The following PPIL6 variants were observed in gnomAD, a reference collection of about 807,000 sequenced individuals.
PPIL6 encodes the protein peptidylprolyl isomerase like 6, also known as probable inactive peptidyl-prolyl cis-trans isomerase-like 6.
Under a neutral mutation model 36.8 loss-of-function variants are expected in PPIL6, and 39 were observed. The observed-to-expected ratio is 1.06, with a 90% CI of 0.82 to 1.38. PPIL6 has a LOEUF of 1.38. PPIL6 is among the 40% of genes most tolerant of loss of function. PPIL6 has a pLI of 0.00. For synonymous variants in PPIL6, 123 were observed against 134.1 expected (o/e 0.92, Z 0.57); for missense variants, 368 against 379.1 (o/e 0.97, Z 0.24).
At chr6:109,398,258 G>C (rs769035878) in intron 7 of PPIL6, among the ~76,000 whole-genome samples, 3 of 147,072 alleles carry the variant, frequency 2.0e-5, no homozygotes, top group Non-Finnish European at 4.4e-5. Flanking sequence ...GAAAACTTAA[G>C]ACAAGTCATT....
rs1773105551 is a variant in PPIL6, at chr6:109,413,489, G to A, written c.688+5698C>T. ...TGCTGGCAAGGATGTGGAGAAAAAG[G>A]GACCCTTGTACACTGTTGGTGGGAA... is the stretch of plus-strand genomic sequence containing the variant. On this transcript the variant is annotated intron_variant, in intron 6 of 7. Coordinates refer to ENST00000521072, the MANE Select transcript of PPIL6 (RefSeq NM_173672.5). The surrounding 1 kb of genome is among the most constrained non-coding windows in gnomAD (Gnocchi z 4.6). Among the ~76,000 whole-genome samples the A allele has an allele frequency of 6.6e-6, 1 of 152,178 alleles. No homozygotes were observed. The highest frequency in any genetic ancestry group is 6.5e-5 in the Admixed American group (1 of 15,272).
rs1328330486 is a variant in PPIL6, at chr6:109,413,771, C to A, written c.688+5416G>T. ...TGTGGTACATATACACAATGGAATA[C>A]TATTCAGCCATAAAAAAGAATGAGA... On this transcript the variant is annotated intron_variant, in intron 6 of 7. Coordinates refer to ENST00000521072, the MANE Select transcript of PPIL6 (RefSeq NM_173672.5). The surrounding 1 kb of genome is among the most constrained non-coding windows in gnomAD (Gnocchi z 4.6). 6.6e-6 allele frequency among the ~76,000 whole-genome samples: 1 copy of A among 152,160 alleles called. No homozygotes were observed. Among genetic ancestry groups the A allele is most frequent in the Non-Finnish European group, 1.5e-5 (1 of 68,028 alleles).
In PPIL6 at chr6:109,417,383, AT is replaced by A. The variant is rs35207179; in HGVS notation, c.688+1803del. Among the ~76,000 whole-genome samples the A allele has an allele frequency of 4.8e-3, 694 of 144,318 alleles. 3 individuals are homozygous for A. Among genetic ancestry groups the A allele is most frequent in the Middle Eastern group, 7.4e-3 (2 of 272 alleles). The allele number at this position is 144,318 out of a possible 152,430, so 94.7% of individuals were successfully genotyped here. On this transcript the variant is annotated intron_variant, in intron 6 of 7. Transcript: ENST00000521072. ...GGGAATACAGTGAGACCCTGTCTCT[AT>A]TTTTTTTTTTTTTTTAAAGAAACTG...
intron 2 of PPIL6, among the ~76,000 whole-genome samples, chr6:109,435,867 G>A (rs1774418017): frequency 6.6e-6 from 1 of 152,190 alleles, no homozygotes; most frequent in African/African-American, 2.4e-5. Flanking sequence ...TGAAGCTGCA[G>A]TGAGCCAAGA....
At chr6:109,406,042 GTGTTT>G (rs1772786837) in intron 6 of PPIL6, among the ~76,000 whole-genome samples, 1 of 150,446 alleles carries the variant, frequency 6.6e-6, no homozygotes, top group Non-Finnish European at 1.5e-5. Context: ...TTTTTGGTTT[GTGTTT>G]TGTTTTTTGA....
chr6:109,436,342 G>A (rs958795028), intron 1 of PPIL6, 143 bp from the exon 2 acceptor site: 1 of 593,768 alleles, frequency 1.7e-6, no homozygotes, highest in Non-Finnish European at 3.0e-6. Flanking sequence ...TTCCTTGCTC[G>A]CTGTCAGAGG....
intron 5 of PPIL6, among the ~76,000 whole-genome samples, chr6:109,419,628 CAGG>C (rs1773440099): frequency 6.6e-6 from 1 of 151,798 alleles, no homozygotes; most frequent in African/African-American, 2.4e-5. Flanking sequence ...GAGGCTGATG[CAGG>C]AGAATTGCTT....
At chr6:109,436,002 T>C (rs1398648006) in intron 2 of PPIL6, 102 bp downstream of exon 2, 2 of 752,360 alleles carry the variant, frequency 2.7e-6, no homozygotes, top group Non-Finnish European at 4.8e-6. Context: ...AAAATCTAGT[T>C]ACACTAAAAT....
chr6:109,440,489 G>A lies in PPIL6; in HGVS notation c.102C>T (p.Cys34=). ...LQVKVVGLFS[C]PNFQIAKSAA... ...CGCTCTTCGCAATCTGAAAGTTGGG[G>A]CAGCTGAAGAGCCCCACCACCTTCA... Residue 34 remains cysteine, a synonymous_variant, in exon 1 of 8, where the codon TGC becomes TGT. Transcript: ENST00000521072. 2 of 1,539,296 alleles carry A rather than the reference G, an allele frequency of 1.3e-6. No homozygotes were observed. The highest frequency in any genetic ancestry group is 1.8e-6 in the Non-Finnish European group (2 of 1,142,294).
intron 6 of PPIL6, among the ~76,000 whole-genome samples, chr6:109,403,618 C>G (rs1772656718): frequency 6.6e-6 from 1 of 152,022 alleles, no homozygotes; most frequent in Non-Finnish European, 1.5e-5. Flanking sequence ...AAACCAATAG[C>G]TGAAACTTGC....
intron 6 of PPIL6, among the ~76,000 whole-genome samples, chr6:109,415,681 G>A (rs756610992): frequency 6.6e-5 from 10 of 152,120 alleles, no homozygotes; most frequent in African/African-American, 9.7e-5. Flanking sequence ...AACGACAATA[G>A]CATCTTGAAT....
intron 7 of PPIL6, among the ~76,000 whole-genome samples, chr6:109,398,016 T>C (rs545142410): frequency 2.6e-4 from 39 of 152,088 alleles, no homozygotes; most frequent in Non-Finnish European, 4.0e-4. Context: ...CTCAGCCTCC[T>C]GAGTAGCTGG....
rs1373982406 is a variant in PPIL6 at position 109,440,341 on chromosome 6, C to T, written c.135+115G>A. The T allele has an allele frequency of 9.9e-6, 13 of 1,309,624 alleles. No individual in the cohort carries two copies. In the African/African-American group the frequency reaches 1.2e-4, roughly 12 times the overall value. The allele number at this position is 1,309,624 out of a possible 1,614,324, so 81.1% of individuals were successfully genotyped here. A position where few individuals can be genotyped will look rare whatever the true frequency, so the allele number is the denominator to read the frequency against. On this transcript the variant is annotated intron_variant, in intron 1 of 7. Transcript: ENST00000521072. ...GGCCAGGACACGCCAGCCCCTTCCT[C>T]GGCCGGTGGGGCCTCGACCCCCGCC...
At chr6:109,440,364 G>A in intron 1 of PPIL6, 92 bp downstream of exon 1, 5 of 1,433,030 alleles carry the variant, frequency 3.5e-6, no homozygotes, top group South Asian at 1.2e-5. Context: ...CTCGACCCCC[G>A]CCGCCTCGAG....
chr6:109,407,287 C>A (rs1020233357), intron 6 of PPIL6, among the ~76,000 whole-genome samples: 3 of 151,624 alleles, frequency 2.0e-5, no homozygotes, highest in African/African-American at 7.3e-5. Context: ...TCGCCCAGGC[C>A]GGACTGCAGT....
intron 5 of PPIL6, among the ~76,000 whole-genome samples, chr6:109,422,285 T>C (rs985118965): frequency 2.6e-5 from 4 of 152,278 alleles, no homozygotes; most frequent in African/African-American, 9.6e-5. Context: ...GCCATGATTG[T>C]GCCATTGCAC....
chr6:109,419,129 T>C, intron 6 of PPIL6, 58 bp downstream of exon 6: 1 of 999,986 alleles, frequency 1.0e-6, no homozygotes, highest in Admixed American at 1.7e-5. Flanking sequence ...AACTGTCCAG[T>C]CCTGTTAAGT....
chr6:109,391,313 A>G lies in PPIL6; in HGVS notation c.*1513T>C, dbSNP rs1407332971. 1.3e-5 allele frequency: 2 copies of G among 149,682 alleles called. No individual in the cohort carries two copies. Among genetic ancestry groups the G allele is most frequent in the African/African-American group, 2.6e-5 (1 of 38,390 alleles). The allele number at this position is 149,682 out of a possible 1,614,324, so 9.3% of individuals were successfully genotyped here. On this transcript the variant is annotated 3_prime_UTR_variant, in exon 8 of 8. Transcript: ENST00000521072. ...AAAAAAAAAAAAAAAAAAAAAAAAA[A>G]AAAGAAAAGCACTCTTAGTCTGGGC...
At chr6:109,441,133 C>T, upstream of PPIL6, 1 of 1,614,206 alleles carries the variant, frequency 6.2e-7, no homozygotes, top group Non-Finnish European at 8.5e-7. Context: ...TGAAGCCCAA[C>T]TTCTCCCTGC....
Sources: gnomAD v4.1 joint callset for allele counts (sites outside exome capture counted in the v4.1 genomes callset) on GRCh38, gnomAD v4.1.1 for gene constraint, Gnocchi (gnomAD v3.1) non-coding constraint, MANE v1.5 for transcripts, NCBI Gene and HGNC (gene_info 2026-07-23, HGNC 2026-07-21) for gene names.